SEL1L3: variants seen among roughly 807,000 people sequenced by gnomAD.
The protein encoded by SEL1L3 is SEL1L family member 3.
In SEL1L3, 76 loss-of-function variants were observed where a neutral mutation model predicts 142.8. The observed-to-expected ratio is 0.53, with a 90% CI of 0.44 to 0.64. The LOEUF (loss-of-function observed/expected upper bound fraction) is 0.64. SEL1L3 is among the 30% of genes least tolerant of loss of function. SEL1L3 has a pLI of 0.00. For synonymous variants in SEL1L3, 504 were observed against 519.6 expected (o/e 0.97, Z 0.41); for missense variants, 1,262 against 1,381.7 (o/e 0.91, Z 1.37).
At chr4:25,832,936 A>C in intron 5 of SEL1L3, 59 bp downstream of exon 5, 1 of 1,062,600 alleles carries the variant, frequency 9.4e-7, no homozygotes, top group Middle Eastern at 2.0e-4. Flanking sequence ...CTTTATAGCA[A>C]TGCTTAACTT....
At chr4:25,848,503 C>T (rs1441689234) in intron 1 of SEL1L3, among the ~76,000 whole-genome samples, 1 of 152,130 alleles carries the variant, frequency 6.6e-6, no homozygotes, top group Non-Finnish European at 1.5e-5. Flanking sequence ...CTACATGCAC[C>T]AAGAAGGATT....
At chr4:25,783,458 T>C (rs1711563588) in intron 14 of SEL1L3, among the ~76,000 whole-genome samples, 1 of 152,258 alleles carries the variant, frequency 6.6e-6, no homozygotes, top group Non-Finnish European at 1.5e-5. Flanking sequence ...AAGGCAAATA[T>C]TGGCAGCCTT....
the SEL1L3 span, among the ~76,000 whole-genome samples, chr4:25,740,443 A>C: frequency 6.6e-6 from 1 of 151,826 alleles, no homozygotes; most frequent in Admixed American, 6.6e-5. Flanking sequence ...AAAAAAAAAA[A>C]AAAAAATCTA....
intron 17 of SEL1L3, among the ~76,000 whole-genome samples, chr4:25,773,730 A>T (rs187077511): frequency 6.6e-6 from 1 of 152,354 alleles, no homozygotes; most frequent in East Asian, 1.9e-4. Flanking sequence ...GCCATTCAAA[A>T]TTCCATGAAG....
downstream of SEL1L3, among the ~76,000 whole-genome samples, chr4:25,746,515 T>TATATATATATATATATATATATTTAA (rs535369928): frequency 1.4e-4 from 10 of 70,798 alleles, no homozygotes; most frequent in South Asian, 2.3e-3. Flanking sequence ...TAAATATATA[T>TATATATATATATATATATATATTTAA]ATATATATAT....
At chr4:25,771,289 T>C (rs947132148) in intron 17 of SEL1L3, among the ~76,000 whole-genome samples, 1 of 152,186 alleles carries the variant, frequency 6.6e-6, no homozygotes, top group Admixed American at 6.6e-5. Flanking sequence ...TCAAGTAAAA[T>C]TGTCCCTTAG....
chr4:25,790,973 T>G (rs1712293731), intron 11 of SEL1L3, among the ~76,000 whole-genome samples: 1 of 152,244 alleles, frequency 6.6e-6, no homozygotes, highest in African/African-American at 2.4e-5. Flanking sequence ...TTTAAAGGAA[T>G]GTATCACATC....
At chr4:25,727,670 A>G in the SEL1L3 span, among the ~76,000 whole-genome samples, 1 of 152,040 alleles carries the variant, frequency 6.6e-6, no homozygotes, top group Admixed American at 6.5e-5. Context: ...GAAAGCTGTG[A>G]GTCTGGCATT....
intron 2 of SEL1L3, among the ~76,000 whole-genome samples, chr4:25,847,075 C>G (rs1716566717): frequency 6.6e-6 from 1 of 152,084 alleles, no homozygotes; most frequent in South Asian, 2.1e-4. Flanking sequence ...CTGTTCTGTT[C>G]TTTCATCTTT....
chr4:25,744,545 G>A (rs1012249865), downstream of SEL1L3, among the ~76,000 whole-genome samples: 1 of 152,006 alleles, frequency 6.6e-6, no homozygotes, highest in Non-Finnish European at 1.5e-5. Flanking sequence ...GTAGAGACGA[G>A]GTTTCACCAC....
Position 25,795,924 on chromosome 4 carries a change from G to GA in SEL1L3, c.1957-5351dup, listed in dbSNP as rs56159949. Among the ~76,000 whole-genome samples, 1,246 of 144,962 alleles carry GA rather than the reference G, an allele frequency of 8.6e-3. 7 individuals carry two copies. The highest frequency in any genetic ancestry group is 0.036 in the Middle Eastern group (10 of 278). ...GCCGGGAAGAAGCTGTGGACTGGGA[G>GA]AAAAAAAAAAAAATCACTGGGCGGG... On this transcript the variant is annotated intron_variant, in intron 11 of 23. Coordinates refer to ENST00000399878, the MANE Select transcript of SEL1L3 (RefSeq NM_015187.5).
rs775567700 is a variant in SEL1L3, at chr4:25,833,429, G to T, written c.982+19C>A. ...TACAAAATTACAATATCATTTTAAA[G>T]GTTCTGTTTTATACTCACCCTCTTC... On this transcript the variant is annotated intron_variant, in intron 4 of 23. Coordinates refer to ENST00000399878, the MANE Select transcript of SEL1L3 (RefSeq NM_015187.5). 3 of 1,600,654 alleles carry T rather than the reference G, an allele frequency of 1.9e-6. No homozygotes were observed. Among genetic ancestry groups the T allele is most frequent in the Non-Finnish European group, 2.6e-6 (3 of 1,173,774 alleles).
chr4:25,825,480 C>T (rs929580371), intron 6 of SEL1L3, among the ~76,000 whole-genome samples: 1 of 151,974 alleles, frequency 6.6e-6, no homozygotes, highest in Non-Finnish European at 1.5e-5. Context: ...GGTTTATTAC[C>T]GCAGAGCACC....
the SEL1L3 span, among the ~76,000 whole-genome samples, chr4:25,729,628 C>T: frequency 6.6e-6 from 1 of 152,146 alleles, no homozygotes; most frequent in Admixed American, 6.6e-5. Context: ...GCAGGAGAAT[C>T]GCTGGAACCT....
intron 7 of SEL1L3, among the ~76,000 whole-genome samples, chr4:25,821,765 A>G (rs1355969142): frequency 6.6e-6 from 1 of 152,270 alleles, no homozygotes; most frequent in Non-Finnish European, 1.5e-5. Flanking sequence ...AGTAGTTATT[A>G]AAACAGAGGA....
At chr4:25,793,143 A>G (rs1712470069) in intron 11 of SEL1L3, among the ~76,000 whole-genome samples, 1 of 152,208 alleles carries the variant, frequency 6.6e-6, no homozygotes, top group Non-Finnish European at 1.5e-5. Context: ...AACAAGCCCA[A>G]CATCAGATAG....
chr4:25,800,702 T>C (rs1713121968), intron 11 of SEL1L3, among the ~76,000 whole-genome samples: 1 of 152,218 alleles, frequency 6.6e-6, no homozygotes. Flanking sequence ...AATCTATTCC[T>C]GTAAATTGAG....
At position 25,788,126 on chromosome 4, in the gene SEL1L3, T is replaced by C; in HGVS notation, c.2217+98A>G. The C allele has an allele frequency of 2.6e-6, 3 of 1,169,096 alleles. 1 individual carries two copies. The South Asian group carries it at 4.2e-5, about 16-fold the overall frequency. The allele number at this position is 1,169,096 out of a possible 1,614,324, so 72.4% of individuals were successfully genotyped here. ...TGACAGAAGCATATACTAAATTTCT[T>C]CAGTTATCGACTCCCTGTTTGCCAG... On this transcript the variant is annotated intron_variant, in intron 13 of 23. Transcript: ENST00000399878. The surrounding 1 kb of genome is among the most constrained non-coding windows in gnomAD (Gnocchi z 5.3).
At chr4:25,846,653 A>G (rs141991341) in intron 2 of SEL1L3, among the ~76,000 whole-genome samples, 153 of 152,248 alleles carry the variant, frequency 1.0e-3, no homozygotes, top group African/African-American at 3.4e-3. Flanking sequence ...TCACACCTGT[A>G]ATCCCAGCAT....
Sources: gnomAD v4.1 joint callset for allele counts (sites outside exome capture counted in the v4.1 genomes callset) on GRCh38, gnomAD v4.1.1 for gene constraint, Gnocchi (gnomAD v3.1) non-coding constraint, MANE v1.5 for transcripts, NCBI Gene and HGNC (gene_info 2026-07-23, HGNC 2026-07-21) for gene names.